Variants in NUP98 observed in about 807,000 individuals in gnomAD.
The protein encoded by NUP98 is nucleoporin 98 and 96 precursor, also known as nuclear pore complex protein Nup98-Nup96.
NUP98 carries 26 observed loss-of-function variants against 191.9 expected under a neutral mutation model. The ratio of observed to expected loss-of-function variants is 0.14; its 90% CI spans 0.10 to 0.19. The LOEUF (loss-of-function observed/expected upper bound fraction) is 0.19. Ranked by LOEUF, NUP98 falls within the 10% of genes least tolerant of loss-of-function variation. The probability of loss-of-function intolerance (pLI) is 1.00; values close to 1 mark genes in which losing one functional copy is unlikely to be tolerated. For synonymous variants in NUP98, 808 were observed against 778.4 expected (o/e 1.04, Z -0.63); for missense variants, 1,941 against 2,178.8 (o/e 0.89, Z 2.17).
intron 5 of NUP98, among the ~76,000 whole-genome samples, chr11:3,774,391 G>A (rs2081636263): frequency 1.3e-5 from 2 of 151,644 alleles, no homozygotes; most frequent in South Asian, 2.1e-4. Context: ...TGGCCTGGGC[G>A]ACAGAGTGAG....
chr11:3,735,333 A>AG lies in NUP98; in HGVS notation c.1409-10_1409-9insC. 6.9e-7 allele frequency: 1 copy of AG among 1,442,208 alleles called. No individual in the cohort carries two copies. Among genetic ancestry groups the AG allele is most frequent in the South Asian group, 1.7e-5 (1 of 59,180 alleles). The allele number at this position is 1,442,208 out of a possible 1,614,324, so 89.3% of individuals were successfully genotyped here. On this transcript the variant is annotated splice_polypyrimidine_tract_variant and intron_variant, in intron 12 of 32. Transcript: ENST00000324932. ...ATTTGGATCTGTCAAAGCTTTTAAAAAAAAAAAAAGAAAACAAAATATATA... is the reference window on the plus strand; with the variant it reads ...ATTTGGATCTGTCAAAGCTTTTAAAAGAAAAAAAAAGAAAACAAAATATATA...
rs2078471672 is a variant in NUP98, at chr11:3,695,484, T to C, written c.4132A>G (p.Arg1378Gly). ...GCCAACAGAGCAAAGATGCGCAGTCTCTCATCCTGGATGAAGGAGTCTGCT... is the reference window on the plus strand; with the variant it reads ...GCCAACAGAGCAAAGATGCGCAGTCCCTCATCCTGGATGAAGGAGTCTGCT... ...LQADSFIQDE[R>G]LRIFALLAGK... The change falls in exon 26 of 33, where the codon AGA (arginine) becomes GGA (glycine). Residue 1378 changes from arginine (R) to glycine (G), a missense_variant. Physicochemically the swap from Arg to Gly is moderately radical, Grantham distance 125. Coordinates refer to ENST00000324932, the MANE Select transcript of NUP98 (RefSeq NM_016320.5). 2 of 1,604,306 alleles carry C rather than the reference T, an allele frequency of 1.2e-6. 1 individual carries two copies. Among genetic ancestry groups the C allele is most frequent in the South Asian group, 2.2e-5 (2 of 89,522 alleles).
intron 12 of NUP98, among the ~76,000 whole-genome samples, chr11:3,736,441 A>G (rs1445267292): frequency 5.3e-5 from 8 of 152,174 alleles, no homozygotes; most frequent in Non-Finnish European, 1.2e-4. Context: ...AGATCACTTG[A>G]GGTGAGGAGT....
chr11:3,700,581 C>T, intron 24 of NUP98, 29 bp downstream of exon 24: 1 of 1,501,158 alleles, frequency 6.7e-7, no homozygotes, highest in Non-Finnish European at 9.2e-7. Flanking sequence ...ATTGGGACAT[C>T]AAACATTAGA....
intron 27 of NUP98, among the ~76,000 whole-genome samples, chr11:3,692,741 A>G (rs1045706497): frequency 1.3e-5 from 2 of 152,222 alleles, no homozygotes; most frequent in Non-Finnish European, 2.9e-5. Flanking sequence ...TCTTGCCACA[A>G]TTCTTAATAT....
At chr11:3,781,159 C>A (rs1283008172) in intron 2 of NUP98, among the ~76,000 whole-genome samples, 5 of 139,414 alleles carry the variant, frequency 3.6e-5, no homozygotes. Context: ...GCACTCCAGC[C>A]TCGGTGACAG....
chr11:3,755,123 G>C (rs2080913014), intron 10 of NUP98, among the ~76,000 whole-genome samples: 1 of 151,820 alleles, frequency 6.6e-6, no homozygotes, highest in South Asian at 2.1e-4. Context: ...GAAATCATTA[G>C]CCAGAAAACC....
chr11:3,713,394 T>C (rs1194389632), intron 19 of NUP98, among the ~76,000 whole-genome samples: 1 of 152,218 alleles, frequency 6.6e-6, no homozygotes, highest in African/African-American at 2.4e-5. Context: ...TCATAATGTA[T>C]CTGTACATCT....
At chr11:3,741,912 T>G (rs900207725) in intron 12 of NUP98, among the ~76,000 whole-genome samples, 2 of 152,236 alleles carry the variant, frequency 1.3e-5, no homozygotes, top group Admixed American at 1.3e-4. Flanking sequence ...GTGGAATGAA[T>G]GAAGGTATTT....
At chr11:3,757,786 C>T (rs1177303780) in intron 10 of NUP98, among the ~76,000 whole-genome samples, 1 of 151,556 alleles carries the variant, frequency 6.6e-6, no homozygotes, top group Non-Finnish European at 1.5e-5. Flanking sequence ...GTGACAAGAG[C>T]GAAACTCCGT....
chr11:3,767,925 T>C (rs1589922266), intron 8 of NUP98, among the ~76,000 whole-genome samples: 1 of 152,258 alleles, frequency 6.6e-6, no homozygotes, highest in South Asian at 2.1e-4. Flanking sequence ...CAGTAATGAA[T>C]AAGTATTTTC....
chr11:3,781,128 G>A (rs563398532), intron 2 of NUP98, among the ~76,000 whole-genome samples: 1 of 142,668 alleles, frequency 7.0e-6, no homozygotes, highest in Non-Finnish European at 1.5e-5. Context: ...TGAGGCTGTA[G>A]TGAACCATAA....
rs775303779 is a variant in NUP98, at chr11:3,713,845, C to T, written c.2550G>A (p.Arg850=). The change falls in exon 19 of 33, where the codon CGG becomes CGA. Residue 850 remains arginine (R), a synonymous_variant. Transcript: ENST00000324932. ...TAAACACCCAAGAACCAGTTTCAGG[C>T]CGGTATTCTTTGAATTGAGCTCCCT... ...RKQGAQFKEY[R]PETGSWVFKV... The T allele has an allele frequency of 3.1e-6, 5 of 1,614,044 alleles. No individual in the cohort carries two copies. The highest frequency in any genetic ancestry group is 4.2e-6 in the Non-Finnish European group (5 of 1,179,980).
intron 4 of NUP98, among the ~76,000 whole-genome samples, chr11:3,777,533 C>T (rs2081778126): frequency 6.7e-6 from 1 of 149,352 alleles, no homozygotes; most frequent in African/African-American, 2.5e-5. Flanking sequence ...AGGCAGGAGA[C>T]TCGCTTAAAC....
At chr11:3,791,023 G>A (rs1372810013) in intron 1 of NUP98, among the ~76,000 whole-genome samples, 1 of 151,784 alleles carries the variant, frequency 6.6e-6, no homozygotes, top group African/African-American at 2.4e-5. Flanking sequence ...AGCCTTCCGA[G>A]TAACTGGGAT....
intron 12 of NUP98, among the ~76,000 whole-genome samples, chr11:3,742,904 A>G (rs938672450): frequency 3.3e-5 from 5 of 152,162 alleles, no homozygotes; most frequent in African/African-American, 1.2e-4. Flanking sequence ...TGGGAGATTA[A>G]TTTAGTGGTA....
chr11:3,739,366 G>A (rs1335762909), intron 12 of NUP98, among the ~76,000 whole-genome samples: 5 of 151,928 alleles, frequency 3.3e-5, no homozygotes, highest in African/African-American at 7.3e-5. Context: ...CTCCTGCCTC[G>A]GCCTTGCGAG....
chr11:3,793,943 G>A (rs887804580), intron 1 of NUP98, among the ~76,000 whole-genome samples: 8 of 151,998 alleles, frequency 5.3e-5, no homozygotes, highest in Admixed American at 1.3e-4. Context: ...CACTCCAGCC[G>A]GGGCAACAAG....
At chr11:3,728,984 C>T (rs1481870669) in intron 14 of NUP98, among the ~76,000 whole-genome samples, 2 of 152,164 alleles carry the variant, frequency 1.3e-5, no homozygotes, top group South Asian at 2.1e-4. Flanking sequence ...GATAGTAATG[C>T]AATCATCTGA....
Sources: allele counts gnomAD v4.1 joint callset (sites outside exome capture counted in the v4.1 genomes callset), GRCh38; gene constraint gnomAD v4.1.1; transcripts MANE v1.5; gene names NCBI Gene and HGNC (gene_info 2026-07-23, HGNC 2026-07-21).